The following UBXN7 variants were observed in gnomAD, a reference collection of about 807,000 sequenced individuals.
The protein encoded by UBXN7 is UBX domain protein 7.
A neutral mutation model predicts 58.0 loss-of-function variants in UBXN7; 9 were observed. That is an observed-to-expected ratio of 0.16 (90% CI 0.09 to 0.27). The LOEUF (loss-of-function observed/expected upper bound fraction) is 0.27. Ranked by LOEUF, UBXN7 falls within the 10% of genes least tolerant of loss-of-function variation. UBXN7 has a pLI of 1.00. For missense variants in UBXN7, 328 were observed against 599.6 expected (o/e 0.55, Z 4.73); for synonymous variants, 208 against 205.0 (o/e 1.01, Z -0.12).
intron 3 of UBXN7, chr3:196,400,120 CA>C (rs1212329102): frequency 6.6e-6 from 1 of 151,206 alleles, no homozygotes; most frequent in African/African-American, 2.4e-5. Context: ...AAACAGAGGT[CA>C]AAACTCCTGT....
chr3:196,395,062 G>C (rs1174108415), intron 3 of UBXN7, among the ~76,000 whole-genome samples: 1 of 152,164 alleles, frequency 6.6e-6, no homozygotes, highest in East Asian at 1.9e-4. Context: ...AATAAATAAA[G>C]GCTTTTCATG....
chr3:196,401,767 TTAAAAAAA>T lies in UBXN7; in HGVS notation c.289+1177_289+1184del, dbSNP rs777003937. On this transcript the variant is annotated intron_variant, in intron 3 of 10. Coordinates refer to ENST00000296328, the MANE Select transcript of UBXN7 (RefSeq NM_015562.2). ...AACATAGCAAGACTCCATCTCTATT[TTAAAAAAA>T]AAAAAAAAAAAAAAGTAAAGAAAGG... 2.4e-4 allele frequency among the ~76,000 whole-genome samples: 20 copies of T among 82,040 alleles called. 1 individual carries two copies. The highest frequency in any genetic ancestry group is 6.2e-4 in the African/African-American group (15 of 24,234). The allele number at this position is 82,040 out of a possible 152,430, so 53.8% of individuals were successfully genotyped here. A position where few individuals can be genotyped will look rare whatever the true frequency, so the allele number is the denominator to read the frequency against.
intron 1 of UBXN7, among the ~76,000 whole-genome samples, chr3:196,417,013 G>C (rs935283563): frequency 6.6e-6 from 1 of 152,124 alleles, no homozygotes; most frequent in Non-Finnish European, 1.5e-5. Context: ...GACACAGCAA[G>C]AAGTTAAAAT....
At chr3:196,362,947 AGGCTGGAGTGCAGT>A (rs543247711) in intron 8 of UBXN7, among the ~76,000 whole-genome samples, 33 of 152,188 alleles carry the variant, frequency 2.2e-4, no homozygotes, top group African/African-American at 7.5e-4. Flanking sequence ...CTTGTTGCCC[AGGCTGGAGTGCAGT>A]GGCACGAACT....
intron 10 of UBXN7, among the ~76,000 whole-genome samples, chr3:196,359,625 C>A (rs1286362780): frequency 6.6e-6 from 1 of 152,136 alleles, no homozygotes; most frequent in Non-Finnish European, 1.5e-5. Flanking sequence ...GATAACAAAG[C>A]AAAACAGGCC....
intron 8 of UBXN7, among the ~76,000 whole-genome samples, chr3:196,364,969 A>G (rs1011306695): frequency 2.0e-5 from 3 of 152,172 alleles, no homozygotes; most frequent in African/African-American, 7.2e-5. Flanking sequence ...ATTTATAGCA[A>G]TGACATTGCA....
At chr3:196,371,070 C>T (rs1247560585) in intron 6 of UBXN7, among the ~76,000 whole-genome samples, 1 of 152,078 alleles carries the variant, frequency 6.6e-6, no homozygotes, top group Non-Finnish European at 1.5e-5. Context: ...ATCTCATTAG[C>T]TGGGAAGACT....
chr3:196,352,323 C>G lies in UBXN7; in HGVS notation c.*4362G>C, dbSNP rs1728235574. 2 of 151,940 alleles carry G rather than the reference C, an allele frequency of 1.3e-5. No homozygotes were observed. The highest frequency in any genetic ancestry group is 1.3e-4 in the Admixed American group (2 of 15,248). 9.4% of individuals were successfully genotyped at this position (151,940 alleles called of 1,614,324 possible). Reference sequence around the variant, plus strand: ...AGTGCAGTGGTGTGATCTCGGCTCACTGCAACCTCCGCCTCCCAGGTTCAA... The same window carrying G: ...AGTGCAGTGGTGTGATCTCGGCTCAGTGCAACCTCCGCCTCCCAGGTTCAA... On this transcript the variant is annotated 3_prime_UTR_variant, in exon 11 of 11. Transcript: ENST00000296328. The surrounding 1 kb of genome is among the most constrained non-coding windows in gnomAD (Gnocchi z 4.1).
At chr3:196,380,279 G>A (rs1281331755) in intron 5 of UBXN7, among the ~76,000 whole-genome samples, 2 of 151,762 alleles carry the variant, frequency 1.3e-5, no homozygotes, top group African/African-American at 2.4e-5. Flanking sequence ...AAAAGAATGT[G>A]AAGGAATGAA....
chr3:196,432,139 C>CGGG, intron 1 of UBXN7, 188 bp downstream of exon 1: 1 of 722,642 alleles, frequency 1.4e-6, no homozygotes. Context: ...GTATCGGGAG[C>CGGG]GGGGGGGGGC....
chr3:196,364,221 T>C (rs746790954), intron 8 of UBXN7, among the ~76,000 whole-genome samples: 3 of 152,168 alleles, frequency 2.0e-5, no homozygotes, highest in Non-Finnish European at 4.4e-5. Flanking sequence ...AATACGTTGT[T>C]TGAGTGGAAC....
Position 196,351,174 on chromosome 3 carries a change from AAGCTG to A in UBXN7, c.*5506_*5510del, listed in dbSNP as rs1165657513. On this transcript the variant is annotated 3_prime_UTR_variant, in exon 11 of 11. Transcript: ENST00000296328. ...AAGTCAGCCTAATTGTATCTTTAAA[AAGCTG>A]TTTCTGCCAAAACCAGGTGTGAATC... 6.6e-6 allele frequency: 1 copy of A among 152,258 alleles called. No individual in the cohort carries two copies. The highest frequency in any genetic ancestry group is 1.5e-5 in the Non-Finnish European group (1 of 68,042). The allele number at this position is 152,258 out of a possible 1,614,324, so 9.4% of individuals were successfully genotyped here.
intron 8 of UBXN7, among the ~76,000 whole-genome samples, chr3:196,363,514 G>A (rs1041106949): frequency 2.6e-5 from 4 of 151,972 alleles, no homozygotes. Flanking sequence ...AGCTTAGTGA[G>A]AAAGGCATGT....
At chr3:196,364,703 GTTT>G (rs541642001) in intron 8 of UBXN7, among the ~76,000 whole-genome samples, 2 of 143,798 alleles carry the variant, frequency 1.4e-5, no homozygotes, top group African/African-American at 2.5e-5. Flanking sequence ...TTTGCTGGTT[GTTT>G]TTTTTTTTTG....
chr3:196,407,391 C>T lies in UBXN7; in HGVS notation c.76G>A (p.Ala26Thr). Reference sequence around the variant, plus strand: ...ATATGTTTTCCTACACTTTCACTTGCACCTGAAACAGTAAAAAGACAGGAA... The same window carrying T: ...ATATGTTTTCCTACACTTTCACTTGTACCTGAAACAGTAAAAAGACAGGAA... The part of the protein sequence containing the change: ...LIQQFTTITG[A>T]SESVGKHMLE... Residue 26 changes from alanine (A) to threonine (T), a missense_variant and splice_region_variant, in exon 2 of 11, where the codon GCA becomes ACA. Physicochemically the swap from Ala to Thr is moderately conservative, Grantham distance 58. This residue lies in a region of UBXN7 where 106 missense variants were observed against 124.3 expected (regional missense o/e 0.85). Transcript: ENST00000296328. The T allele has an allele frequency of 1.9e-6, 3 of 1,593,798 alleles. No homozygotes were observed. The highest frequency in any genetic ancestry group is 2.6e-6 in the Non-Finnish European group (3 of 1,173,372).
chr3:196,393,664 T>A, intron 3 of UBXN7, 45 bp from the exon 4 acceptor site: 1 of 1,559,156 alleles, frequency 6.4e-7, no homozygotes, highest in Non-Finnish European at 8.7e-7. Context: ...AAATTAATTT[T>A]GAAACAATTC....
At chr3:196,371,665 G>T (rs985992092) in intron 6 of UBXN7, among the ~76,000 whole-genome samples, 13 of 151,566 alleles carry the variant, frequency 8.6e-5, no homozygotes, top group African/African-American at 2.9e-4. Context: ...GTATTTTTAG[G>T]AGAGACAGGG....
chr3:196,374,872 GGGAGGGGA>G, intron 5 of UBXN7, among the ~76,000 whole-genome samples: 1 of 36,452 alleles, frequency 2.7e-5, no homozygotes, highest in Non-Finnish European at 5.9e-5. Flanking sequence ...GTGAGGGGAG[GGGAGGGGA>G]GGGGAGGGGG....
rs181643836 is a variant in UBXN7, at chr3:196,379,642, T to C, written c.469-7600A>G. 1.1e-4 allele frequency among the ~76,000 whole-genome samples: 16 copies of C among 152,344 alleles called. No individual in the cohort carries two copies. The East Asian group carries it at 3.1e-3, about 29-fold the overall frequency. On this transcript the variant is annotated intron_variant, in intron 5 of 10. Coordinates refer to ENST00000296328, the MANE Select transcript of UBXN7 (RefSeq NM_015562.2). ...GAGAGGACCTCAGTCTGAAAGCATC[T>C]GTATGGCGAGCGCCATTCCTAACTC...
Sources: gnomAD v4.1 joint callset for allele counts (sites outside exome capture counted in the v4.1 genomes callset) on GRCh38, gnomAD v4.1.1 for gene constraint, gnomAD v4.1.1 regional missense constraint, Gnocchi (gnomAD v3.1) non-coding constraint, MANE v1.5 for transcripts, NCBI Gene and HGNC (gene_info 2026-07-23, HGNC 2026-07-21) for gene names.